Variants in EXOC4 observed in about 807,000 individuals in gnomAD.
EXOC4 encodes exocyst complex component 4, also known as SEC8-like 1.
In EXOC4, 71 loss-of-function variants were observed where a neutral mutation model predicts 107.2. That is an observed-to-expected ratio of 0.66 (90% CI 0.55 to 0.81). The LOEUF is 0.81. Among genes scored for constraint, EXOC4 ranks in the 30% least tolerant of loss-of-function variants. The pLI is 0.00. For missense variants in EXOC4, 1,108 were observed against 1,189.6 expected (o/e 0.93, Z 1.01); for synonymous variants, 456 against 441.2 (o/e 1.03, Z -0.42).
chr7:133,828,786 C>T (rs1196836418), intron 11 of EXOC4, among the ~76,000 whole-genome samples: 1 of 152,166 alleles, frequency 6.6e-6, no homozygotes, highest in African/African-American at 2.4e-5. Context: ...AATATTTATT[C>T]GACACCTGCT....
chr7:133,622,208 C>A (rs1802350679), intron 9 of EXOC4, among the ~76,000 whole-genome samples: 1 of 152,122 alleles, frequency 6.6e-6, no homozygotes, highest in South Asian at 2.1e-4. Flanking sequence ...CTCCTGGCCT[C>A]AAGTGATCCT....
intron 9 of EXOC4, among the ~76,000 whole-genome samples, chr7:133,545,218 A>G (rs890749604): frequency 2.0e-5 from 3 of 152,124 alleles, no homozygotes; most frequent in Non-Finnish European, 4.4e-5. Context: ...AATGTCTCTC[A>G]AAAGTTAATT....
chr7:133,931,088 A>G (rs553995334), intron 13 of EXOC4, among the ~76,000 whole-genome samples: 12 of 152,058 alleles, frequency 7.9e-5, no homozygotes, highest in Non-Finnish European at 1.5e-4. Context: ...ATAATTAACT[A>G]TTTTCCAGTG....
intron 10 of EXOC4, among the ~76,000 whole-genome samples, chr7:133,794,704 C>T (rs2151188324): frequency 6.6e-6 from 1 of 152,210 alleles, no homozygotes; most frequent in East Asian, 1.9e-4. Flanking sequence ...TGTCACAACC[C>T]ACTGGCACTT....
At chr7:133,420,632 A>G (rs1797583560) in intron 7 of EXOC4, among the ~76,000 whole-genome samples, 3 of 152,130 alleles carry the variant, frequency 2.0e-5, no homozygotes, top group Admixed American at 6.5e-5. Context: ...GGTGAGGATC[A>G]TGGGGCCAAT....
chr7:133,788,099 C>G (rs547881267), intron 10 of EXOC4, among the ~76,000 whole-genome samples: 1 of 146,362 alleles, frequency 6.8e-6, no homozygotes, highest in East Asian at 2.1e-4. Flanking sequence ...GGTTCTTCTG[C>G]TTTACATGCT....
intron 10 of EXOC4, among the ~76,000 whole-genome samples, chr7:133,728,984 A>C (rs964053750): frequency 1.3e-5 from 2 of 152,128 alleles, no homozygotes; most frequent in African/African-American, 2.4e-5. Flanking sequence ...TACTGGGGGA[A>C]ATTTCCATTG....
intron 1 of EXOC4, among the ~76,000 whole-genome samples, chr7:133,256,467 C>T (rs1795021646): frequency 6.6e-6 from 1 of 152,192 alleles, no homozygotes; most frequent in Non-Finnish European, 1.5e-5. Context: ...GTACCGGGTA[C>T]CTGCTAGCTC....
chr7:133,545,909 T>C (rs774855289), intron 9 of EXOC4, among the ~76,000 whole-genome samples: 15 of 152,190 alleles, frequency 9.9e-5, no homozygotes, highest in Non-Finnish European at 1.9e-4. Context: ...CCAATTTATA[T>C]TTTGGGGTTT....
rs1322791971 is a variant in EXOC4 at position 133,761,171 on chromosome 7, A to T, written c.1515-56154A>T. On this transcript the variant is annotated intron_variant, in intron 10 of 17. Coordinates refer to ENST00000253861, the MANE Select transcript of EXOC4 (RefSeq NM_021807.4). ...AGATTAGCATTCTCTGTTGATGTTT[A>T]CCTTTGAAATTTTGAACAAAGCATT... is the stretch of plus-strand genomic sequence containing the variant. Among the ~76,000 whole-genome samples, 5 of 152,320 alleles carry T rather than the reference A, an allele frequency of 3.3e-5. No homozygotes were observed. In the East Asian group the frequency reaches 9.7e-4, roughly 29 times the overall value.
chr7:133,299,311 G>C (rs916362045), intron 3 of EXOC4, among the ~76,000 whole-genome samples: 4 of 152,060 alleles, frequency 2.6e-5, no homozygotes, highest in Non-Finnish European at 4.4e-5. Flanking sequence ...TCTTTCAATA[G>C]AAAGTTCTTA....
chr7:133,552,616 A>T (rs1471890378), intron 9 of EXOC4, among the ~76,000 whole-genome samples: 3 of 151,932 alleles, frequency 2.0e-5, no homozygotes, highest in Middle Eastern at 3.2e-3. Context: ...GTTTGCTGAA[A>T]CTCAGTAGTG....
At chr7:133,597,983 A>C (rs1261495143) in intron 9 of EXOC4, among the ~76,000 whole-genome samples, 2 of 151,886 alleles carry the variant, frequency 1.3e-5, no homozygotes, top group East Asian at 1.9e-4. Flanking sequence ...TGGCGCCATT[A>C]CTCCAGCCTG....
intron 5 of EXOC4, among the ~76,000 whole-genome samples, chr7:133,355,794 A>G (rs557428799): frequency 2.6e-5 from 4 of 152,180 alleles, no homozygotes; most frequent in East Asian, 1.9e-4. Flanking sequence ...TCGTTACCCT[A>G]TTTCCTCAAA....
intron 7 of EXOC4, among the ~76,000 whole-genome samples, chr7:133,441,947 G>C (rs1798114975): frequency 6.6e-6 from 1 of 152,182 alleles, no homozygotes. Flanking sequence ...GTTGGGGACA[G>C]TGCATTGCTG....
At chr7:133,487,064 T>G (rs1799281669) in intron 9 of EXOC4, among the ~76,000 whole-genome samples, 1 of 152,236 alleles carries the variant, frequency 6.6e-6, no homozygotes, top group Admixed American at 6.5e-5. Context: ...GGATTTGTTT[T>G]CTGAATAAAT....
At chr7:134,084,105 C>T in the EXOC4 span, among the ~76,000 whole-genome samples, 2 of 152,142 alleles carry the variant, frequency 1.3e-5, no homozygotes, top group Non-Finnish European at 2.9e-5. Context: ...CTGAGAAGGC[C>T]GTTTGCTGTG....
chr7:133,959,001 A>G (rs1321363395), intron 14 of EXOC4, among the ~76,000 whole-genome samples: 1 of 152,216 alleles, frequency 6.6e-6, no homozygotes, highest in Non-Finnish European at 1.5e-5. Context: ...GAAAAATCTG[A>G]TAAGCACCAG....
intron 7 of EXOC4, among the ~76,000 whole-genome samples, chr7:133,408,412 G>A (rs1797277108): frequency 6.6e-6 from 1 of 151,416 alleles, no homozygotes; most frequent in Admixed American, 6.6e-5. Flanking sequence ...TGATGGAGGT[G>A]GAGAGAGGTT....
Sources: allele counts gnomAD v4.1 joint callset (sites outside exome capture counted in the v4.1 genomes callset), GRCh38; gene constraint gnomAD v4.1.1; transcripts MANE v1.5; gene names NCBI Gene and HGNC (gene_info 2026-07-23, HGNC 2026-07-21).